The following NUP210L variants were observed in gnomAD, a reference collection of about 807,000 sequenced individuals.
NUP210L encodes the protein nuclear pore membrane glycoprotein 210-like.
Under a neutral mutation model 208.5 loss-of-function variants are expected in NUP210L, and 74 were observed. The observed-to-expected ratio is 0.35, with a 90% CI of 0.29 to 0.43. The LOEUF (loss-of-function observed/expected upper bound fraction) is 0.43. NUP210L is among the 20% of genes least tolerant of loss of function. NUP210L has a pLI of 1.00. For missense variants in NUP210L, 1,843 were observed against 2,289.4 expected, an observed-to-expected ratio of 0.81 and a Z score of 3.98; for synonymous variants, 780 against 816.9, an observed-to-expected ratio of 0.95 and a Z score of 0.77.
chr1:154,104,755 C>G (rs1000301659), intron 12 of NUP210L, among the ~76,000 whole-genome samples: 1 of 152,104 alleles, frequency 6.6e-6, no homozygotes, highest in South Asian at 2.1e-4. Context: ...TGGGCTAAAG[C>G]ACTCTGGGGT....
At chr1:154,135,896 C>T (rs751672321) in exon 7 of NUP210L, 4 of 1,611,228 alleles carry the variant, frequency 2.5e-6, no homozygotes, top group Non-Finnish European at 3.4e-6. Flanking sequence ...TAGCCACTTT[C>T]TCAGAATGAG....
rs528831097 is a variant in NUP210L at position 153,999,041 on chromosome 1, A to C, written c.5386+1815T>G. Among the ~76,000 whole-genome samples, 85 of 152,244 alleles carry C rather than the reference A, an allele frequency of 5.6e-4. No homozygotes were observed. In the South Asian group the frequency reaches 0.017, roughly 31 times the overall value. On this transcript the variant is annotated intron_variant, in intron 37 of 39. Coordinates refer to ENST00000368559, the Ensembl canonical transcript of NUP210L. The stretch of plus-strand genomic sequence containing the variant: ...TCAGTTTCCTCAGCTCTTGGGGAAA[A>C]ATACCTACCTCCTAGAGTTATGAGA...
intron 12 of NUP210L, among the ~76,000 whole-genome samples, chr1:154,112,858 GAAAAA>G (rs35923188): frequency 1.6e-5 from 2 of 127,244 alleles, no homozygotes; most frequent in African/African-American, 2.9e-5. Flanking sequence ...CCTGTCTGGG[GAAAAA>G]AAAAAAAAAA....
At chr1:154,149,006 G>A (rs1659247664) in intron 2 of NUP210L, among the ~76,000 whole-genome samples, 1 of 151,216 alleles carries the variant, frequency 6.6e-6, no homozygotes, top group Non-Finnish European at 1.5e-5. Context: ...AACACAAGCA[G>A]CTGTGACCTT....
intron 13 of NUP210L, among the ~76,000 whole-genome samples, chr1:154,103,291 G>T (rs546541764): frequency 1.3e-5 from 2 of 151,990 alleles, no homozygotes; most frequent in Non-Finnish European, 2.9e-5. Context: ...GTACTTGGGA[G>T]GCTGAGGCAG....
chr1:154,026,506 C>A (rs549080637), intron 29 of NUP210L, among the ~76,000 whole-genome samples: 1 of 151,826 alleles, frequency 6.6e-6, no homozygotes, highest in Non-Finnish European at 1.5e-5. Context: ...GTGCAACCAC[C>A]CCTGGCTAAT....
At chr1:154,023,038 A>T in intron 31 of NUP210L, 84 bp downstream of exon 31, 1 of 1,326,288 alleles carries the variant, frequency 7.5e-7, no homozygotes, top group South Asian at 1.4e-5. Flanking sequence ...ATGTGAGAGG[A>T]ATTTACTGGA....
At chr1:154,123,286 T>C (rs1657708301) in intron 10 of NUP210L, among the ~76,000 whole-genome samples, 1 of 152,008 alleles carries the variant, frequency 6.6e-6, no homozygotes, top group Non-Finnish European at 1.5e-5. Context: ...TCCGGGATTA[T>C]AGGCACGCGC....
intron 12 of NUP210L, among the ~76,000 whole-genome samples, chr1:154,111,784 G>A (rs751186750): frequency 2.0e-5 from 3 of 151,504 alleles, no homozygotes; most frequent in Non-Finnish European, 4.4e-5. Context: ...CTTATTCTAT[G>A]TGGCCAGTAT....
intron 27 of NUP210L, among the ~76,000 whole-genome samples, chr1:154,038,912 A>C (rs1652708641): frequency 6.6e-6 from 1 of 152,176 alleles, no homozygotes; most frequent in Non-Finnish European, 1.5e-5. Context: ...TCTGCACTTT[A>C]TCTCTCCTGT....
chr1:154,088,343 G>T (rs921749536), intron 16 of NUP210L, among the ~76,000 whole-genome samples: 2 of 151,924 alleles, frequency 1.3e-5, no homozygotes, highest in Non-Finnish European at 2.9e-5. Context: ...AAAAAAAAAG[G>T]GTGAATATAT....
At chr1:153,995,011 C>CAAAAAA in intron 38 of NUP210L, 65 bp downstream of exon 38, 2 of 723,590 alleles carry the variant, frequency 2.8e-6, no homozygotes, top group East Asian at 3.3e-5. Context: ...AACTCCATCT[C>CAAAAAA]AAAAAAAAAA....
At chr1:153,993,994 C>CA (rs1284072484) in intron 38 of NUP210L, among the ~76,000 whole-genome samples, 4 of 152,142 alleles carry the variant, frequency 2.6e-5, no homozygotes, top group African/African-American at 9.7e-5. Flanking sequence ...AATCCTGCCT[C>CA]AGCTTCCCTA....
At chr1:154,060,500 G>T in intron 20 of NUP210L, 40 bp downstream of exon 20, 2 of 1,257,324 alleles carry the variant, frequency 1.6e-6, no homozygotes, top group Non-Finnish European at 2.3e-6. Context: ...AATGAGCTTT[G>T]GCCTGAGACC....
In NUP210L at chr1:154,109,644, G is replaced by A. The variant is rs552536199; in HGVS notation, c.1621-5434C>T. On this transcript the variant is annotated intron_variant, in intron 12 of 39. Coordinates refer to ENST00000368559, the Ensembl canonical transcript of NUP210L. ...TTGATCATATTCAAGAATAGACTACGTTAGGTCCAAAACAATTGTTCAAAA... is the reference window on the plus strand; with the variant it reads ...TTGATCATATTCAAGAATAGACTACATTAGGTCCAAAACAATTGTTCAAAA... Among the ~76,000 whole-genome samples the A allele has an allele frequency of 8.5e-4, 128 of 151,476 alleles. 7 individuals are homozygous for A. The highest frequency in any genetic ancestry group is 2.9e-3 in the African/African-American group (119 of 40,900).
intron 37 of NUP210L, among the ~76,000 whole-genome samples, chr1:154,000,157 T>TAAATATAAAA (rs1650125205): frequency 6.6e-6 from 1 of 152,184 alleles, no homozygotes; most frequent in South Asian, 2.1e-4. Flanking sequence ...ATATATAAGT[T>TAAATATAAAA]AAATATAAAA....
At chr1:154,065,299 A>G (rs1180150479) in intron 17 of NUP210L, among the ~76,000 whole-genome samples, 1 of 151,730 alleles carries the variant, frequency 6.6e-6, no homozygotes, top group East Asian at 1.9e-4. Context: ...ATGCACCTAC[A>G]GTCCTAGCTA....
intron 28 of NUP210L, among the ~76,000 whole-genome samples, chr1:154,028,945 A>G (rs1652059303): frequency 6.6e-6 from 1 of 151,720 alleles, no homozygotes; most frequent in South Asian, 2.1e-4. Context: ...AAATACAAAA[A>G]TTAGCCGGGC....
intron 13 of NUP210L, among the ~76,000 whole-genome samples, chr1:154,101,247 A>G (rs923336406): frequency 5.3e-5 from 8 of 151,226 alleles, no homozygotes; most frequent in Non-Finnish European, 8.8e-5. Flanking sequence ...GGGAGGCTAA[A>G]GCAGGTGGAT....
Sources: allele counts gnomAD v4.1 joint callset (sites outside exome capture counted in the v4.1 genomes callset), GRCh38; gene constraint gnomAD v4.1.1; transcripts MANE v1.5; gene names NCBI Gene and HGNC (gene_info 2026-07-23, HGNC 2026-07-21).